Variants in TBC1D22A observed in about 807,000 individuals in gnomAD.
The protein encoded by TBC1D22A is TBC1 domain family member 22A.
TBC1D22A carries 38 observed loss-of-function variants against 60.2 expected under a neutral mutation model. The ratio of observed to expected loss-of-function variants is 0.63; its 90% confidence interval spans 0.49 to 0.83. The LOEUF (loss-of-function observed/expected upper bound fraction) is 0.83. Among genes scored for constraint, TBC1D22A ranks in the 40% least tolerant of loss-of-function variants. The pLI is 0.00. For synonymous variants in TBC1D22A, 302 were observed against 281.7 expected, an observed-to-expected ratio of 1.07 and a Z score of -0.72; for missense variants, 628 against 701.0, an observed-to-expected ratio of 0.90 and a Z score of 1.18.
rs80080142 is a variant in TBC1D22A, at chr22:46,924,385, C to T, written c.1015+12197C>T. Among the ~76,000 whole-genome samples, 357 of 152,300 alleles carry T rather than the reference C, an allele frequency of 2.3e-3. 1 individual carries two copies. Among genetic ancestry groups the T allele is most frequent in the African/African-American group, 8.3e-3 (343 of 41,554 alleles). On this transcript the variant is annotated intron_variant, in intron 8 of 12. Transcript: ENST00000337137. ...ATCTAATTGACTTGATTTTCTATGT[C>T]ATTTTCTCTTAAATTACTCTTGAAA...
At chr22:46,891,437 T>G (rs61223271) in intron 6 of TBC1D22A, 43 bp downstream of exon 6, 7 of 1,551,032 alleles carry the variant, frequency 4.5e-6, no homozygotes, top group Non-Finnish European at 6.1e-6. Context: ...TGATGTACTT[T>G]GCTTTGCTGT....
At chr22:47,066,328 G>T (rs919698550) in intron 11 of TBC1D22A, among the ~76,000 whole-genome samples, 2 of 152,186 alleles carry the variant, frequency 1.3e-5, no homozygotes, top group African/African-American at 2.4e-5. Flanking sequence ...CACGAGGGGG[G>T]TTCCTCGGAA....
At chr22:47,038,624 G>A (rs749149055) in intron 11 of TBC1D22A, among the ~76,000 whole-genome samples, 1 of 152,218 alleles carries the variant, frequency 6.6e-6, no homozygotes, top group Admixed American at 6.5e-5. Flanking sequence ...GTGCCCCAAA[G>A]CTTTGTTCCT....
intron 7 of TBC1D22A, among the ~76,000 whole-genome samples, chr22:46,904,827 T>C (rs1160467615): frequency 6.8e-6 from 1 of 146,140 alleles, no homozygotes; most frequent in South Asian, 2.1e-4. Flanking sequence ...CAGGCTGGAG[T>C]GCGGTGGCGC....
chr22:47,096,246 G>A (rs190211533), intron 11 of TBC1D22A, among the ~76,000 whole-genome samples: 35 of 152,150 alleles, frequency 2.3e-4, no homozygotes, highest in Non-Finnish European at 4.3e-4. Flanking sequence ...CTGTGGTTTC[G>A]CCTAAACTTT....
intron 12 of TBC1D22A, among the ~76,000 whole-genome samples, chr22:47,159,347 T>G (rs1042947529): frequency 4.0e-5 from 4 of 100,874 alleles, no homozygotes; most frequent in African/African-American, 2.3e-4. Flanking sequence ...ACACCATGTA[T>G]TCACACAAAG....
intron 8 of TBC1D22A, among the ~76,000 whole-genome samples, chr22:46,926,600 T>C (rs897360421): frequency 1.9e-4 from 29 of 152,186 alleles, no homozygotes; most frequent in Admixed American, 1.8e-3. Context: ...TTAGATGTGA[T>C]TAACATTTAA....
At chr22:46,980,261 C>T (rs1424810062) in intron 9 of TBC1D22A, among the ~76,000 whole-genome samples, 1 of 152,216 alleles carries the variant, frequency 6.6e-6, no homozygotes, top group Non-Finnish European at 1.5e-5. Flanking sequence ...TGGCTCACTG[C>T]AACCTCCATC....
intron 10 of TBC1D22A, among the ~76,000 whole-genome samples, chr22:47,025,756 CGTATA>C (rs1275656565): frequency 1.3e-5 from 2 of 151,732 alleles, no homozygotes; most frequent in Admixed American, 6.6e-5. Flanking sequence ...TAGAGGGAAA[CGTATA>C]GTATAGAGTG....
At position 47,028,377 on chromosome 22, in the gene TBC1D22A, G is replaced by A. The variant is rs890568900; in HGVS notation, c.1202-8694G>A. 5.8e-5 allele frequency among the ~76,000 whole-genome samples: 8 copies of A among 138,974 alleles called. No homozygotes were observed. Among genetic ancestry groups the A allele is most frequent in the African/African-American group, 2.2e-4 (8 of 36,384 alleles). The allele number at this position is 138,974 out of a possible 152,430, so 91.2% of individuals were successfully genotyped here. On this transcript the variant is annotated intron_variant, in intron 10 of 12. Transcript: ENST00000337137. The surrounding 1 kb of genome is among the most constrained non-coding windows in gnomAD (Gnocchi z 4.4). ...GCCCAGGTTCTGAGAGTGAGTGGTCGCATTCCTGTCCCTCGGTCCCTGTCC... is the reference window on the plus strand; with the variant it reads ...GCCCAGGTTCTGAGAGTGAGTGGTCACATTCCTGTCCCTCGGTCCCTGTCC...
At chr22:46,782,051 A>ACTT (rs376817254) in intron 1 of TBC1D22A, among the ~76,000 whole-genome samples, 1 of 152,016 alleles carries the variant, frequency 6.6e-6, no homozygotes, top group African/African-American at 2.4e-5. Context: ...GTGGACTTGG[A>ACTT]CTTCTTCTTC....
chr22:46,825,799 A>G (rs2086028495), intron 4 of TBC1D22A, among the ~76,000 whole-genome samples: 1 of 151,726 alleles, frequency 6.6e-6, no homozygotes, highest in Non-Finnish European at 1.5e-5. Flanking sequence ...TTAAATAAAA[A>G]TTGCCCTCAC....
chr22:46,789,139 T>TC (rs1569033665), intron 1 of TBC1D22A: 1 of 152,568 alleles, frequency 6.6e-6, no homozygotes, highest in Non-Finnish European at 1.5e-5. Flanking sequence ...CTTTTTTTTT[T>TC]TTTTTTGAGA....
chr22:47,172,437 A>C (rs2068519122), intron 12 of TBC1D22A, among the ~76,000 whole-genome samples: 1 of 152,266 alleles, frequency 6.6e-6, no homozygotes, highest in Non-Finnish European at 1.5e-5. Context: ...GATTTTAAAA[A>C]TACACATGTA....
chr22:47,001,451 GAA>G (rs60259224), intron 10 of TBC1D22A, among the ~76,000 whole-genome samples: 2,236 of 104,986 alleles, frequency 0.021, 23 homozygotes, highest in Middle Eastern at 0.056. Context: ...TCTCAAAAAA[GAA>G]AAAAAAAAAA....
intron 8 of TBC1D22A, among the ~76,000 whole-genome samples, chr22:46,967,033 A>G (rs2148088139): frequency 6.6e-6 from 1 of 152,278 alleles, no homozygotes; most frequent in East Asian, 1.9e-4. Flanking sequence ...GTCCTGTGAT[A>G]ATTGTCTGCC....
intron 4 of TBC1D22A, among the ~76,000 whole-genome samples, chr22:46,800,908 G>A (rs2084869770): frequency 6.6e-6 from 1 of 152,210 alleles, no homozygotes; most frequent in Non-Finnish European, 1.5e-5. Context: ...GACAGCTGGT[G>A]AAAGCAAGAT....
At chr22:46,870,248 A>G (rs1003310973) in intron 4 of TBC1D22A, among the ~76,000 whole-genome samples, 16 of 152,178 alleles carry the variant, frequency 1.1e-4, no homozygotes, top group Non-Finnish European at 4.4e-5. Context: ...TGAACCCACA[A>G]CCAGTGTTTG....
At chr22:47,160,590 A>AC (rs1342186541) in intron 12 of TBC1D22A, among the ~76,000 whole-genome samples, 3 of 152,160 alleles carry the variant, frequency 2.0e-5, no homozygotes, top group African/African-American at 7.2e-5. Flanking sequence ...CTCACCCCGG[A>AC]CCACATGCTG....
Sources: gnomAD v4.1 joint callset for allele counts (sites outside exome capture counted in the v4.1 genomes callset) on GRCh38, gnomAD v4.1.1 for gene constraint, Gnocchi (gnomAD v3.1) non-coding constraint, MANE v1.5 for transcripts, NCBI Gene and HGNC (gene_info 2026-07-23, HGNC 2026-07-21) for gene names.